Variants in DBNL observed in about 807,000 individuals in gnomAD.
The protein encoded by DBNL is drebrin-like protein.
DBNL carries 35 observed loss-of-function variants against 62.2 expected under a neutral mutation model. That is an observed-to-expected ratio of 0.56 (90% CI 0.43 to 0.75). The LOEUF (loss-of-function observed/expected upper bound fraction) is 0.75, where lower values mean the gene tolerates loss of function less well. DBNL is among the 30% of genes least tolerant of loss of function. The probability of loss-of-function intolerance (pLI) is 0.00; values close to 1 mark genes in which losing one functional copy is unlikely to be tolerated. For synonymous variants in DBNL, 197 were observed against 218.0 expected (o/e 0.90, Z 0.85); for missense variants, 495 against 578.4 (o/e 0.86, Z 1.48).
chr7:44,057,893 G>A, intron 6 of DBNL, 34 bp downstream of exon 6: 1 of 1,613,232 alleles, frequency 6.2e-7, no homozygotes, highest in Non-Finnish European at 8.5e-7. Flanking sequence ...TGGGCACGTG[G>A]GAGTGTTCTG....
rs1266812493 is a variant in DBNL, at chr7:44,052,849, G to A, written c.253-18G>A. The A allele has an allele frequency of 1.2e-6, 2 of 1,613,730 alleles. No individual in the cohort carries two copies. Among genetic ancestry groups the A allele is most frequent in the South Asian group, 1.1e-5 (1 of 91,040 alleles). The stretch of plus-strand genomic sequence containing the variant: ...TTTGGGGGAGGCCTGGGTCAACCTG[G>A]GCATCCTTGTGTTGCAGACAGGCGA... On this transcript the variant is annotated intron_variant, in intron 3 of 12. Coordinates refer to ENST00000448521, the MANE Select transcript of DBNL (RefSeq NM_001014436.3).
chr7:44,054,694 A>G (rs2096132893), intron 4 of DBNL, among the ~76,000 whole-genome samples: 1 of 152,202 alleles, frequency 6.6e-6, no homozygotes, highest in Admixed American at 6.5e-5. Flanking sequence ...ATTGTTAACT[A>G]TAATTTCCCT....
At chr7:44,053,898 G>C (rs188795558) in intron 4 of DBNL, among the ~76,000 whole-genome samples, 1,997 of 152,092 alleles carry the variant, frequency 0.013, 35 homozygotes, top group African/African-American at 0.045. Context: ...GGATGGTCTC[G>C]ATCTCCTGAC....
chr7:44,063,091 G>A lies in DBNL; in HGVS notation c.*2175G>A, dbSNP rs1233729606. ...CAGAAATGTTGCCAAAGGTCAAGGA[G>A]TAACTGAGTTAGACCAAGCAGCCTA... On this transcript the variant is annotated 3_prime_UTR_variant, in exon 13 of 13. Coordinates refer to ENST00000448521, the MANE Select transcript of DBNL (RefSeq NM_001014436.3). The A allele has an allele frequency of 3.9e-6, 3 of 762,870 alleles. No homozygotes were observed. The highest frequency in any genetic ancestry group is 1.5e-5 in the South Asian group (1 of 66,354). The allele number at this position is 762,870 out of a possible 1,614,324, so 47.3% of individuals were successfully genotyped here. A position where few individuals can be genotyped will look rare whatever the true frequency, so the allele number is the denominator to read the frequency against.
chr7:44,060,180 A>G lies in DBNL; in HGVS notation c.1153+27A>G, dbSNP rs2128794500. On this transcript the variant is annotated intron_variant, in intron 12 of 12. Coordinates refer to ENST00000448521, the MANE Select transcript of DBNL (RefSeq NM_001014436.3). This position sits in a 1 kb window ranked among gnomAD's most constrained non-coding sequence, Gnocchi z 6.3. ...TAAGGTGCCCTGGCCTGGCTGGCAC[A>G]GACCACAGGGTCCTGAGGTTAGGAG... 1 of 1,589,164 alleles carries G rather than the reference A, an allele frequency of 6.3e-7. No individual in the cohort carries two copies. The highest frequency in any genetic ancestry group is 8.6e-7 in the Non-Finnish European group (1 of 1,160,190).
Position 44,059,962 on chromosome 7 carries a change from C to G in DBNL, c.1048-86C>G. 1 of 1,386,260 alleles carries G rather than the reference C, an allele frequency of 7.2e-7. No individual in the cohort carries two copies. The highest frequency in any genetic ancestry group is 1.0e-6 in the Non-Finnish European group (1 of 998,934). The allele number at this position is 1,386,260 out of a possible 1,614,324, so 85.9% of individuals were successfully genotyped here. A position where few individuals can be genotyped will look rare whatever the true frequency, so the allele number is the denominator to read the frequency against. On this transcript the variant is annotated intron_variant, in intron 11 of 12. Coordinates refer to ENST00000448521, the MANE Select transcript of DBNL (RefSeq NM_001014436.3). The surrounding 1 kb of genome is among the most constrained non-coding windows in gnomAD (Gnocchi z 4.1). Reference sequence around the variant, plus strand: ...TAGACTGCTTGCCCTCTGCGTACTCCCAGCTTGACCTGAGCCATGTGGGGC... The same window carrying G: ...TAGACTGCTTGCCCTCTGCGTACTCGCAGCTTGACCTGAGCCATGTGGGGC...
chr7:44,062,561 C>G lies in DBNL; in HGVS notation c.*1645C>G, dbSNP rs2096151141. 1.7e-6 allele frequency: 1 copy of G among 605,922 alleles called. No homozygotes were observed. The highest frequency in any genetic ancestry group is 2.7e-5 in the Admixed American group (1 of 36,884). 37.5% of individuals were successfully genotyped at this position (605,922 alleles called of 1,614,324 possible). The stretch of plus-strand genomic sequence containing the variant: ...TGACTGCAAACTCATGGAGTGGTTG[C>G]AGCCCTGGCTCAGTGTCCTGATGAC... On this transcript the variant is annotated 3_prime_UTR_variant, in exon 13 of 13. Coordinates refer to ENST00000448521, the MANE Select transcript of DBNL (RefSeq NM_001014436.3).
intron 1 of DBNL, 165 bp downstream of exon 1, chr7:44,044,985 C>G (rs2096114326): frequency 1.7e-6 from 1 of 599,602 alleles, no homozygotes. Context: ...AGCAGGAGTG[C>G]TGTCTCACCC....
intron 5 of DBNL, among the ~76,000 whole-genome samples, chr7:44,057,189 GCCCT>G (rs1429096907): frequency 6.6e-6 from 1 of 152,248 alleles, no homozygotes; most frequent in Non-Finnish European, 1.5e-5. Context: ...TAGTCTGGCT[GCCCT>G]CAAGGTCATG....
At position 44,065,050 on chromosome 7, in the gene DBNL, A is replaced by G; in HGVS notation, c.*4134A>G. ...GGCACGCTGCTTTCCCTCCCAAGCC[A>G]GTGGGCCCCCACCCGACTCCCCACT... On this transcript the variant is annotated 3_prime_UTR_variant, in exon 13 of 13. Coordinates refer to ENST00000448521, the MANE Select transcript of DBNL (RefSeq NM_001014436.3). 3 of 1,609,288 alleles carry G rather than the reference A, an allele frequency of 1.9e-6. No individual in the cohort carries two copies. The highest frequency in any genetic ancestry group is 2.5e-6 in the Non-Finnish European group (3 of 1,179,738).
Position 44,050,256 on chromosome 7 carries a change from G to T in DBNL, c.115G>T (p.Asp39Tyr). 1 of 1,613,762 alleles carries T rather than the reference G, an allele frequency of 6.2e-7. No homozygotes were observed. The highest frequency in any genetic ancestry group is 1.1e-5 in the South Asian group (1 of 91,058). Residue 39 changes from aspartate (D) to tyrosine (Y), a missense_variant, in exon 2 of 13, where the codon GAC (aspartate) becomes TAC (tyrosine). Coordinates refer to ENST00000448521, the MANE Select transcript of DBNL (RefSeq NM_001014436.3). ...ALFTYEGNSN[D>Y]IRVAGTGEGG... ...CTTTACCTATGAAGGCAACAGCAATGACATCCGCGTGGCTGGCACAGGGGG... is the reference window on the plus strand; with the variant it reads ...CTTTACCTATGAAGGCAACAGCAATTACATCCGCGTGGCTGGCACAGGGGG...
At chr7:44,051,631 T>A in intron 2 of DBNL, 199 bp from the exon 3 acceptor site, 2 of 505,756 alleles carry the variant, frequency 4.0e-6, no homozygotes, top group South Asian at 5.5e-5. Flanking sequence ...GACTTCTAGG[T>A]CCCACCCAGC....
rs1192777495 is a variant in DBNL at position 44,063,713 on chromosome 7, G to A, written c.*2797G>A. On this transcript the variant is annotated 3_prime_UTR_variant, in exon 13 of 13. Transcript: ENST00000448521. ...CCTGCCTGCCTCCTGCAGCCCCTGAGCTGGGAATAGCAGCTCGACCTTTGA... is the reference window on the plus strand; with the variant it reads ...CCTGCCTGCCTCCTGCAGCCCCTGAACTGGGAATAGCAGCTCGACCTTTGA... The A allele has an allele frequency of 1.3e-5, 2 of 154,096 alleles. No individual in the cohort carries two copies. The highest frequency in any genetic ancestry group is 1.3e-4 in the Admixed American group (2 of 15,650). The allele number at this position is 154,096 out of a possible 1,614,324, so 9.5% of individuals were successfully genotyped here.
intron 4 of DBNL, among the ~76,000 whole-genome samples, 168 bp downstream of exon 4, chr7:44,053,109 G>A (rs41279606): frequency 0.07 from 10,590 of 152,272 alleles, 493 homozygotes; most frequent in Non-Finnish European, 0.099. Context: ...CTTCACTCTC[G>A]GTCAGTGAGT....
Position 44,065,667 on chromosome 7 carries a change from A to G in DBNL, c.*4751A>G. 1.2e-6 allele frequency: 1 copy of G among 828,474 alleles called. No homozygotes were observed. Among genetic ancestry groups the G allele is most frequent in the Non-Finnish European group, 2.0e-6 (1 of 503,040 alleles). 51.3% of individuals were successfully genotyped at this position (828,474 alleles called of 1,614,324 possible). A position where few individuals can be genotyped will look rare whatever the true frequency, so the allele number is the denominator to read the frequency against. On this transcript the variant is annotated 3_prime_UTR_variant, in exon 13 of 13. Coordinates refer to ENST00000448521, the MANE Select transcript of DBNL (RefSeq NM_001014436.3). The stretch of plus-strand genomic sequence containing the variant: ...GCATTCCAGGCGGTGGCAGGTGACC[A>G]GTAGCTGAGCTGCTGGGGGCTGGGG...
Position 44,059,009 on chromosome 7 carries a change from A to G in DBNL, c.835+26A>G, listed in dbSNP as rs2096142684. The G allele has an allele frequency of 1.2e-6, 2 of 1,612,528 alleles. No homozygotes were observed. The highest frequency in any genetic ancestry group is 1.1e-5 in the South Asian group (1 of 91,024). On this transcript the variant is annotated intron_variant, in intron 9 of 12. Transcript: ENST00000448521. This position sits in a 1 kb window ranked among gnomAD's most constrained non-coding sequence, Gnocchi z 4.1. ...GTGAGCTCTCCCTTTGGGCCTGGCCATGAGGCAGCAGCAGGCTGAGGGGGA... is the reference window on the plus strand; with the variant it reads ...GTGAGCTCTCCCTTTGGGCCTGGCCGTGAGGCAGCAGCAGGCTGAGGGGGA...
chr7:44,055,235 G>A (rs2096134150), intron 4 of DBNL, among the ~76,000 whole-genome samples: 1 of 152,228 alleles, frequency 6.6e-6, no homozygotes, highest in African/African-American at 2.4e-5. Context: ...GGAGGCCAAG[G>A]TGAACAGATT....
Position 44,065,440 on chromosome 7 carries a change from C to T in DBNL, c.*4524C>T, listed in dbSNP as rs759827542. ...TGGCCTCCTCGGTCCCCTTTTCACT[C>T]AGCTCTGCATCGAACCAGCCACAGA... On this transcript the variant is annotated 3_prime_UTR_variant, in exon 13 of 13. Transcript: ENST00000448521. 1.2e-6 allele frequency: 2 copies of T among 1,614,008 alleles called. No homozygotes were observed. Among genetic ancestry groups the T allele is most frequent in the African/African-American group, 1.3e-5 (1 of 74,942 alleles).
chr7:44,061,464 C>G lies in DBNL; in HGVS notation c.*548C>G, dbSNP rs1330854623. The G allele has an allele frequency of 6.5e-6, 1 of 154,576 alleles. No individual in the cohort carries two copies. Among genetic ancestry groups the G allele is most frequent in the African/African-American group, 2.4e-5 (1 of 41,454 alleles). 9.6% of individuals were successfully genotyped at this position (154,576 alleles called of 1,614,324 possible). A position where few individuals can be genotyped will look rare whatever the true frequency, so the allele number is the denominator to read the frequency against. ...CTGCTCTGTGCTCCCCACTCCATTT[C>G]TCTGTCCCTCTGCCTGGGCTATGGG... is the stretch of plus-strand genomic sequence containing the variant. On this transcript the variant is annotated 3_prime_UTR_variant, in exon 13 of 13. Coordinates refer to ENST00000448521, the MANE Select transcript of DBNL (RefSeq NM_001014436.3).
Sources: gnomAD v4.1 joint callset for allele counts (sites outside exome capture counted in the v4.1 genomes callset) on GRCh38, gnomAD v4.1.1 for gene constraint, Gnocchi (gnomAD v3.1) non-coding constraint, MANE v1.5 for transcripts, NCBI Gene and HGNC (gene_info 2026-07-23, HGNC 2026-07-21) for gene names.